HS6ST3: variants seen among roughly 807,000 people sequenced by gnomAD.
The protein encoded by HS6ST3 is heparan-sulfate 6-O-sulfotransferase 3.
In HS6ST3, 12 loss-of-function variants were observed where a neutral mutation model predicts 36.7. That is an observed-to-expected ratio of 0.33 (90% CI 0.21 to 0.53). The LOEUF is 0.53. Among genes scored for constraint, HS6ST3 ranks in the 20% least tolerant of loss-of-function variants. The pLI, the probability that HS6ST3 is intolerant of heterozygous loss-of-function variation, is 0.95. For missense variants in HS6ST3, 584 were observed against 640.9 expected (o/e 0.91, Z 0.96); for synonymous variants, 240 against 257.5 (o/e 0.93, Z 0.65).
chr13:96,555,141 G>C (rs2056235604), intron 1 of HS6ST3, among the ~76,000 whole-genome samples: 1 of 151,928 alleles, frequency 6.6e-6, no homozygotes, highest in African/African-American at 2.4e-5. Flanking sequence ...GAGTAAAGTG[G>C]GATGCTGTAT....
intron 1 of HS6ST3, among the ~76,000 whole-genome samples, chr13:96,543,511 A>C (rs2056186120): frequency 6.6e-6 from 1 of 152,228 alleles, no homozygotes; most frequent in South Asian, 2.1e-4. Context: ...TTACACTGGA[A>C]TCTTCAGGGA....
At chr13:96,320,506 T>A (rs2054997927) in intron 1 of HS6ST3, among the ~76,000 whole-genome samples, 1 of 152,224 alleles carries the variant, frequency 6.6e-6, no homozygotes, top group African/African-American at 2.4e-5. Flanking sequence ...GAGGCATAAA[T>A]ATGTACAGAA....
At chr13:96,732,886 T>C (rs1209499608) in intron 1 of HS6ST3, among the ~76,000 whole-genome samples, 1 of 152,214 alleles carries the variant, frequency 6.6e-6, no homozygotes. Context: ...TTCCGAAGTA[T>C]TTTTTGTAAC....
At chr13:96,241,894 T>C (rs1488935431) in intron 1 of HS6ST3, among the ~76,000 whole-genome samples, 1 of 151,720 alleles carries the variant, frequency 6.6e-6, no homozygotes, top group African/African-American at 2.4e-5. Context: ...CACGCCATTC[T>C]TCTGCCTCAG....
At position 96,557,273 on chromosome 13, in the gene HS6ST3, C is replaced by T. The variant is rs79116554; in HGVS notation, c.708-275217C>T. ...AAAGGTTAAATGTCTCATCTGAGCT[C>T]ATATGACTAACAGTGGCACAACCAG... On this transcript the variant is annotated intron_variant, in intron 1 of 1. Transcript: ENST00000376705. Among the ~76,000 whole-genome samples the T allele has an allele frequency of 3.2e-4, 49 of 152,284 alleles. No individual in the cohort carries two copies. The East Asian group carries it at 7.5e-3, about 23-fold the overall frequency.
At chr13:96,230,029 A>G (rs2054500175) in intron 1 of HS6ST3, among the ~76,000 whole-genome samples, 1 of 152,226 alleles carries the variant, frequency 6.6e-6, no homozygotes, top group African/African-American at 2.4e-5. Flanking sequence ...CAAGTAACTC[A>G]GGTTAGAGCA....
At chr13:96,604,165 C>G (rs1336063376) in intron 1 of HS6ST3, among the ~76,000 whole-genome samples, 1 of 152,118 alleles carries the variant, frequency 6.6e-6, no homozygotes, top group Admixed American at 6.5e-5. Context: ...CGGCCATCTG[C>G]TCTTTTCTCC....
intron 1 of HS6ST3, among the ~76,000 whole-genome samples, chr13:96,597,419 T>G (rs2056405723): frequency 6.6e-6 from 1 of 152,120 alleles, no homozygotes; most frequent in African/African-American, 2.4e-5. Flanking sequence ...TGCATTTTCC[T>G]GATGATTGGT....
At chr13:96,418,472 G>C (rs2055545780) in intron 1 of HS6ST3, among the ~76,000 whole-genome samples, 1 of 152,140 alleles carries the variant, frequency 6.6e-6, no homozygotes, top group Non-Finnish European at 1.5e-5. Context: ...TTTATCTTTG[G>C]ATGAGTTGCA....
At chr13:96,519,203 T>G (rs2138925750) in intron 1 of HS6ST3, among the ~76,000 whole-genome samples, 1 of 152,336 alleles carries the variant, frequency 6.6e-6, no homozygotes, top group Middle Eastern at 3.4e-3. Flanking sequence ...GCAAGGTTAA[T>G]GCTGCCTTTG....
chr13:96,782,034 A>G (rs1877539497), intron 1 of HS6ST3, among the ~76,000 whole-genome samples: 1 of 152,184 alleles, frequency 6.6e-6, no homozygotes, highest in Non-Finnish European at 1.5e-5. Flanking sequence ...ATCTGTTAGG[A>G]AAACACATAG....
chr13:96,446,621 C>A (rs574883580), intron 1 of HS6ST3, among the ~76,000 whole-genome samples: 1 of 152,132 alleles, frequency 6.6e-6, no homozygotes, highest in Non-Finnish European at 1.5e-5. Context: ...TCTTTTTTTA[C>A]TGAGTTCTTA....
chr13:96,158,607 C>T (rs570747544), intron 1 of HS6ST3, among the ~76,000 whole-genome samples: 16 of 137,702 alleles, frequency 1.2e-4, no homozygotes, highest in African/African-American at 3.0e-4. Flanking sequence ...GAGCCATGAT[C>T]GCGCCATTGT....
At chr13:96,627,860 T>C (rs1011726844) in intron 1 of HS6ST3, among the ~76,000 whole-genome samples, 2 of 151,956 alleles carry the variant, frequency 1.3e-5, no homozygotes, top group Non-Finnish European at 2.9e-5. Context: ...GTCTTCTGCA[T>C]CTGAAGTTAT....
intron 1 of HS6ST3, among the ~76,000 whole-genome samples, chr13:96,633,509 A>G (rs534202538): frequency 6.6e-6 from 1 of 152,340 alleles, no homozygotes; most frequent in African/African-American, 2.4e-5. Context: ...AGATAAAAGA[A>G]TTAAGACCTA....
chr13:96,255,177 A>G (rs984747185), intron 1 of HS6ST3, among the ~76,000 whole-genome samples: 8 of 152,218 alleles, frequency 5.3e-5, no homozygotes, highest in Non-Finnish European at 1.0e-4. Flanking sequence ...ATCTCCATCC[A>G]CAGGGAGTTA....
intron 1 of HS6ST3, among the ~76,000 whole-genome samples, chr13:96,801,344 C>T (rs1454842588): frequency 6.6e-6 from 1 of 152,068 alleles, no homozygotes; most frequent in African/African-American, 2.4e-5. Context: ...TATTTTTGCT[C>T]TTAATTCTGG....
chr13:96,363,816 G>T (rs1441433280), intron 1 of HS6ST3, among the ~76,000 whole-genome samples: 1 of 152,072 alleles, frequency 6.6e-6, no homozygotes, highest in Non-Finnish European at 1.5e-5. Flanking sequence ...TCAATTGTAT[G>T]TATTCTATTC....
intron 1 of HS6ST3, among the ~76,000 whole-genome samples, chr13:96,358,869 A>AATCAATCT (rs1344507795): frequency 1.4e-5 from 2 of 147,520 alleles, no homozygotes; most frequent in Non-Finnish European, 3.0e-5. Context: ...GTATATATAT[A>AATCAATCT]ATCTATCTAT....
Sources: allele counts gnomAD v4.1 joint callset (sites outside exome capture counted in the v4.1 genomes callset), GRCh38; gene constraint gnomAD v4.1.1; transcripts MANE v1.5; gene names NCBI Gene and HGNC (gene_info 2026-07-23, HGNC 2026-07-21).